IL1RL1: variants seen among roughly 807,000 people sequenced by gnomAD.
IL1RL1 encodes interleukin-1 receptor-like 1.
IL1RL1 carries 32 observed loss-of-function variants against 50.9 expected under a neutral mutation model. The observed-to-expected ratio is 0.63, with a 90% CI of 0.47 to 0.84. The LOEUF is 0.84. IL1RL1 is among the 40% of genes least tolerant of loss of function. The probability of loss-of-function intolerance (pLI) is 0.00; values close to 1 mark genes in which losing one functional copy is unlikely to be tolerated. For synonymous variants in IL1RL1, 275 were observed against 236.0 expected (o/e 1.17, Z -1.51); for missense variants, 773 against 662.9 (o/e 1.17, Z -1.82).
At chr2:102,341,537 G>C (rs1289701093) in intron 5 of IL1RL1, among the ~76,000 whole-genome samples, 1 of 152,086 alleles carries the variant, frequency 6.6e-6, no homozygotes, top group Non-Finnish European at 1.5e-5. Flanking sequence ...AGTTTTTTCA[G>C]GGCAAAGCAA....
At chr2:102,328,631 C>T (rs1321845776) in intron 1 of IL1RL1, among the ~76,000 whole-genome samples, 2 of 152,138 alleles carry the variant, frequency 1.3e-5, no homozygotes, top group Non-Finnish European at 2.9e-5. Flanking sequence ...AGCTGATAGG[C>T]AACTTCAGCA....
chr2:102,321,441 G>A, intron 1 of IL1RL1, among the ~76,000 whole-genome samples: 1 of 152,118 alleles, frequency 6.6e-6, no homozygotes, highest in East Asian at 1.9e-4. Flanking sequence ...AGTTGATGCA[G>A]AACAACTGGT....
chr2:102,337,430 G>T (rs1371685054), intron 1 of IL1RL1: 1 of 152,056 alleles, frequency 6.6e-6, no homozygotes. Context: ...TTTCTATGTT[G>T]GTTCTATTCT....
At chr2:102,342,937 A>C (rs896954344) in intron 6 of IL1RL1, 99 bp from the exon 7 acceptor site, 1 of 1,166,206 alleles carries the variant, frequency 8.6e-7, no homozygotes, top group Non-Finnish European at 1.2e-6. Flanking sequence ...GGTGGGGTGC[A>C]TACTAAGTGT....
At chr2:102,341,110 T>G (rs2104988397) in intron 5 of IL1RL1, 5 of 894,410 alleles carry the variant, frequency 5.6e-6, no homozygotes, top group African/African-American at 1.8e-5. Context: ...GCAATCTGAA[T>G]GCTAACTTAA....
intron 10 of IL1RL1, 52 bp downstream of exon 10, chr2:102,349,298 G>A (rs1247637223): frequency 2.7e-6 from 4 of 1,484,656 alleles, no homozygotes; most frequent in African/African-American, 1.4e-5. Context: ...ATTAAAGGCT[G>A]TGAACTAGGT....
chr2:102,328,935 T>G (rs1677092779), intron 1 of IL1RL1, among the ~76,000 whole-genome samples: 1 of 152,136 alleles, frequency 6.6e-6, no homozygotes, highest in African/African-American at 2.4e-5. Context: ...ATAGATTCAA[T>G]GCCATCCCCA....
intron 1 of IL1RL1, among the ~76,000 whole-genome samples, chr2:102,312,134 GA>G (rs1345896736): frequency 6.9e-5 from 8 of 116,668 alleles, no homozygotes; most frequent in Non-Finnish European, 1.0e-4. Flanking sequence ...TTATATTGAG[GA>G]AAACATTCAC....
chr2:102,349,121 A>C lies in IL1RL1; in HGVS notation c.1160A>C (p.Tyr387Ser). Reference protein sequence around the residue: ...YDAYVVYPRNYKSSTDGASRV... With the variant: ...YDAYVVYPRNSKSSTDGASRV... ...GCTTATGTTGTCTACCCACGGAACT[A>C]CAAATCCAGTACAGATGGGGCCAGT... The change falls in exon 10 of 11, where the codon TAC (tyrosine) becomes TCC (serine). Residue 387 changes from tyrosine to serine, a missense_variant. By Grantham distance (144) the Tyr-to-Ser change is moderately radical. Coordinates refer to ENST00000233954, the MANE Select transcript of IL1RL1 (RefSeq NM_016232.5). The C allele has an allele frequency of 1.2e-6, 2 of 1,613,742 alleles. No homozygotes were observed. The highest frequency in any genetic ancestry group is 1.7e-6 in the Non-Finnish European group (2 of 1,179,636).
chr2:102,324,851 G>A (rs10865050), intron 1 of IL1RL1, among the ~76,000 whole-genome samples: 26,242 of 152,206 alleles, frequency 0.17, 2,564 homozygotes, highest in African/African-American at 0.25. Context: ...CAAAGCAGCC[G>A]GGAAGCTCGA....
chr2:102,338,477 A>G, intron 2 of IL1RL1, 152 bp downstream of exon 2: 1 of 548,404 alleles, frequency 1.8e-6, no homozygotes, highest in Non-Finnish European at 3.2e-6. Flanking sequence ...TTTCATTACA[A>G]ATCTATCAGA....
At chr2:102,347,141 C>T (rs1677807851) in intron 8 of IL1RL1, among the ~76,000 whole-genome samples, 2 of 152,204 alleles carry the variant, frequency 1.3e-5, no homozygotes, top group South Asian at 2.1e-4. Context: ...CTGCTAAGCC[C>T]TTAGAGGCAA....
chr2:102,342,224 T>C lies in IL1RL1; in HGVS notation c.612T>C (p.Asp204=). 1 of 1,605,538 alleles carries C rather than the reference T, an allele frequency of 6.2e-7. No individual in the cohort carries two copies. Among genetic ancestry groups the C allele is most frequent in the African/African-American group, 1.3e-5 (1 of 74,824 alleles). The part of the protein sequence containing the change: ...VTATRSFTVK[D]EQGFSLFPVI... The stretch of plus-strand genomic sequence containing the variant: ...TTTATATTTCTTTTTGTCTTTAAGA[T>C]GAGCAAGGCTTTTCTCTGTTTCCAG... Residue 204 remains aspartate (D), a splice_region_variant and synonymous_variant, in exon 6 of 11, where the codon GAT becomes GAC. Transcript: ENST00000233954.
chr2:102,341,356 G>GAGT, intron 5 of IL1RL1: 2 of 1,205,870 alleles, frequency 1.7e-6, no homozygotes, highest in Non-Finnish European at 2.1e-6. Flanking sequence ...CAATGGCCTT[G>GAGT]AGTAAGTCAC....
intron 1 of IL1RL1, among the ~76,000 whole-genome samples, chr2:102,317,853 G>A (rs1573128155): frequency 1.3e-5 from 2 of 152,074 alleles, no homozygotes; most frequent in South Asian, 2.1e-4. Context: ...TAAGAAAGTG[G>A]CAGACCTCAT....
intron 9 of IL1RL1, 65 bp downstream of exon 9, chr2:102,348,156 T>A: frequency 7.7e-7 from 1 of 1,291,814 alleles, no homozygotes; most frequent in East Asian, 2.3e-5. Flanking sequence ...TGGTTACCTG[T>A]CTATTAATCT....
intron 1 of IL1RL1, among the ~76,000 whole-genome samples, chr2:102,323,279 T>TATATATATATATATATA (rs1559596441): frequency 2.6e-5 from 1 of 38,010 alleles, no homozygotes; most frequent in African/African-American, 8.5e-5. Flanking sequence ...ATATAGTGTG[T>TATATATATATATATATA]GTGTGTGTGT....
chr2:102,343,606 C>T, intron 8 of IL1RL1, 191 bp downstream of exon 8: 1 of 1,457,846 alleles, frequency 6.9e-7, no homozygotes, highest in Non-Finnish European at 9.0e-7. Context: ...AGCTTCTCTG[C>T]TGCTTAAATT....
downstream of IL1RL1, chr2:102,352,068 C>G: frequency 2.4e-6 from 2 of 825,848 alleles, no homozygotes; most frequent in Admixed American, 2.9e-5. Context: ...CCTTCCATTT[C>G]CCTGCTTCTG....
Sources: allele counts gnomAD v4.1 joint callset (sites outside exome capture counted in the v4.1 genomes callset), GRCh38; gene constraint gnomAD v4.1.1; transcripts MANE v1.5; gene names NCBI Gene and HGNC (gene_info 2026-07-23, HGNC 2026-07-21).